Variants in MTHFD2 observed in about 807,000 individuals in gnomAD.
The protein encoded by MTHFD2 is methylenetetrahydrofolate dehydrogenase (NADP+ dependent) 2, methenyltetrahydrofolate cyclohydrolase, also known as bifunctional methylenetetrahydrofolate dehydrogenase/cyclohydrolase, mitochondrial.
Under a neutral mutation model 36.8 loss-of-function variants are expected in MTHFD2, and 26 were observed. The observed-to-expected ratio is 0.71, with a 90% CI of 0.52 to 0.98. The LOEUF is 0.98. MTHFD2 is among the 50% of genes least tolerant of loss of function. The probability of loss-of-function intolerance (pLI) is 0.00; values close to 1 mark genes in which losing one functional copy is unlikely to be tolerated. For synonymous variants in MTHFD2, 164 were observed against 155.2 expected, an observed-to-expected ratio of 1.06 and a Z score of -0.42; for missense variants, 373 against 434.0, an observed-to-expected ratio of 0.86 and a Z score of 1.25.
rs1328447587 is a variant in MTHFD2, at chr2:74,212,263, C to T, written c.889+397C>T. 2.9e-3 allele frequency among the ~76,000 whole-genome samples: 102 copies of T among 35,706 alleles called. 1 individual carries two copies. The highest frequency in any genetic ancestry group is 0.014 in the East Asian group (14 of 1,014). The allele number at this position is 35,706 out of a possible 152,430, so 23.4% of individuals were successfully genotyped here. Reference sequence around the variant, plus strand: ...CCCCTTTCTTCCTTCGTTTCTTTCTCTTTTTTTTTTTTTTTTTTTTTTGAG... The same window carrying T: ...CCCCTTTCTTCCTTCGTTTCTTTCTTTTTTTTTTTTTTTTTTTTTTTTGAG... On this transcript the variant is annotated intron_variant, in intron 7 of 7. Transcript: ENST00000394053.
chr2:74,212,932 TCTCA>T (rs1305568427), intron 7 of MTHFD2, among the ~76,000 whole-genome samples: 1 of 151,324 alleles, frequency 6.6e-6, no homozygotes, highest in East Asian at 1.9e-4. Context: ...AGAGGCAGAG[TCTCA>T]CTCTGTTGCC....
rs867744775 is a variant in MTHFD2, at chr2:74,199,213, T to A, written c.101+471T>A. On this transcript the variant is annotated intron_variant, in intron 1 of 7. Transcript: ENST00000394053. Reference sequence around the variant, plus strand: ...TAGCGGCGGAGGGCGCTGCTGCAGCTGATGAAATCGCGGAGCCGACTTGCT... The same window carrying A: ...TAGCGGCGGAGGGCGCTGCTGCAGCAGATGAAATCGCGGAGCCGACTTGCT... Among the ~76,000 whole-genome samples the A allele has an allele frequency of 2.0e-5, 3 of 152,130 alleles. No individual in the cohort carries two copies. The South Asian group carries it at 6.2e-4, about 31-fold the overall frequency.
chr2:74,209,421 T>C (rs1231967659), intron 4 of MTHFD2, among the ~76,000 whole-genome samples: 2 of 151,736 alleles, frequency 1.3e-5, no homozygotes. Context: ...TTTTTTTTTT[T>C]CTCGTATTTT....
intron 2 of MTHFD2, among the ~76,000 whole-genome samples, chr2:74,206,859 C>G (rs574521008): frequency 6.6e-6 from 1 of 152,048 alleles, no homozygotes; most frequent in African/African-American, 2.4e-5. Context: ...TAGGCATGGG[C>G]CACCATGCCT....
At chr2:74,203,458 G>C (rs1694087753) in intron 1 of MTHFD2, among the ~76,000 whole-genome samples, 1 of 152,146 alleles carries the variant, frequency 6.6e-6, no homozygotes, top group Non-Finnish European at 1.5e-5. Context: ...AAGGCCTAAA[G>C]ATTGTGAAAG....
intron 1 of MTHFD2, among the ~76,000 whole-genome samples, chr2:74,202,065 C>T (rs1667627): frequency 0.62 from 93,793 of 151,692 alleles, 30,148 homozygotes; most frequent in African/African-American, 0.8. Flanking sequence ...TCCTTAACTT[C>T]AGTATATGAT....
chr2:74,207,863 C>G, intron 3 of MTHFD2, 37 bp downstream of exon 3: 2 of 1,555,752 alleles, frequency 1.3e-6, no homozygotes. Context: ...ATTGCTGCTG[C>G]TTCTGCTCCT....
At position 74,203,295 on chromosome 2, in the gene MTHFD2, C is replaced by T. The variant is rs568412184; in HGVS notation, c.102-2410C>T. 4.6e-5 allele frequency among the ~76,000 whole-genome samples: 7 copies of T among 152,228 alleles called. No individual in the cohort carries two copies. In the East Asian group the frequency reaches 9.6e-4, roughly 21 times the overall value. Reference sequence around the variant, plus strand: ...TGCTAGGATTACAGGCATGAGCCACCGTGCCTGGCCAGATTATAATAATTT... The same window carrying T: ...TGCTAGGATTACAGGCATGAGCCACTGTGCCTGGCCAGATTATAATAATTT... On this transcript the variant is annotated intron_variant, in intron 1 of 7. Transcript: ENST00000394053.
chr2:74,207,107 C>T (rs1694202486), intron 2 of MTHFD2, among the ~76,000 whole-genome samples: 1 of 151,984 alleles, frequency 6.6e-6, no homozygotes, highest in Non-Finnish European at 1.5e-5. Flanking sequence ...GAAAGACTGG[C>T]TGTATTATTA....
chr2:74,203,016 T>C (rs1187066260), intron 1 of MTHFD2, among the ~76,000 whole-genome samples: 2 of 152,164 alleles, frequency 1.3e-5, no homozygotes, highest in Non-Finnish European at 2.9e-5. Context: ...TTTTTCTTTT[T>C]TTGAGATGGA....
rs1451043892 is a variant in MTHFD2 at position 74,216,524 on chromosome 2, G to A, written c.*2282G>A. The A allele has an allele frequency of 6.6e-6, 1 of 152,202 alleles. No individual in the cohort carries two copies. The highest frequency in any genetic ancestry group is 2.4e-5 in the African/African-American group (1 of 41,458). The allele number at this position is 152,202 out of a possible 1,614,324, so 9.4% of individuals were successfully genotyped here. A position where few individuals can be genotyped will look rare whatever the true frequency, so the allele number is the denominator to read the frequency against. The stretch of plus-strand genomic sequence containing the variant: ...TTGGACAAAGTTCTATTCCAGATCA[G>A]CCAGGTTTTAAAACTGAAATGTGTT... On this transcript the variant is annotated 3_prime_UTR_variant, in exon 8 of 8. Coordinates refer to ENST00000394053, the MANE Select transcript of MTHFD2 (RefSeq NM_006636.4).
intron 1 of MTHFD2, among the ~76,000 whole-genome samples, chr2:74,205,378 C>A (rs1694153149): frequency 6.6e-6 from 1 of 152,168 alleles, no homozygotes; most frequent in African/African-American, 2.4e-5. Flanking sequence ...CAGTTAAGAG[C>A]CCAGACTGAT....
Position 74,214,415 on chromosome 2 carries a change from C to T in MTHFD2, c.*173C>T. The T allele has an allele frequency of 3.4e-6, 2 of 594,338 alleles. No individual in the cohort carries two copies. Among genetic ancestry groups the T allele is most frequent in the East Asian group, 3.4e-5 (1 of 29,116 alleles). The allele number at this position is 594,338 out of a possible 1,614,324, so 36.8% of individuals were successfully genotyped here. A position where few individuals can be genotyped will look rare whatever the true frequency, so the allele number is the denominator to read the frequency against. ...TTCTGCACATACCTCTGCAGTACCTCACCAGGGAGCATTCCAGTATCATGC... is the reference window on the plus strand; with the variant it reads ...TTCTGCACATACCTCTGCAGTACCTTACCAGGGAGCATTCCAGTATCATGC... On this transcript the variant is annotated 3_prime_UTR_variant, in exon 8 of 8. Coordinates refer to ENST00000394053, the MANE Select transcript of MTHFD2 (RefSeq NM_006636.4).
rs1239012768 is a variant in MTHFD2, at chr2:74,214,438, T to C, written c.*196T>C. On this transcript the variant is annotated 3_prime_UTR_variant, in exon 8 of 8. Transcript: ENST00000394053. ...CTCACCAGGGAGCATTCCAGTATCA[T>C]GCAGGGTCCTGTGATCTAGCCAGGA... 6.2e-6 allele frequency: 3 copies of C among 486,700 alleles called. No homozygotes were observed. Among genetic ancestry groups the C allele is most frequent in the Non-Finnish European group, 1.1e-5 (3 of 278,836 alleles). The allele number at this position is 486,700 out of a possible 1,614,324, so 30.1% of individuals were successfully genotyped here.
At chr2:74,202,619 C>T (rs570615473) in intron 1 of MTHFD2, among the ~76,000 whole-genome samples, 7 of 152,064 alleles carry the variant, frequency 4.6e-5, no homozygotes, top group East Asian at 1.9e-4. Context: ...CTCTGCCTCC[C>T]GGGTTCAATC....
At position 74,217,527 on chromosome 2, in the gene MTHFD2, C is replaced by T. The variant is rs1392195466; in HGVS notation, c.*3285C>T. On this transcript the variant is annotated 3_prime_UTR_variant, in exon 8 of 8. Coordinates refer to ENST00000394053, the MANE Select transcript of MTHFD2 (RefSeq NM_006636.4). ...ATTGTTCACATGAATGGGAGTTTGA[C>T]TTTGGGAATAAACATTGAAAATTTG... 3 of 152,040 alleles carry T rather than the reference C, an allele frequency of 2.0e-5. No homozygotes were observed. Among genetic ancestry groups the T allele is most frequent in the Admixed American group, 1.3e-4 (2 of 15,260 alleles). The allele number at this position is 152,040 out of a possible 1,614,324, so 9.4% of individuals were successfully genotyped here.
At chr2:74,206,095 A>T (rs1254258268) in intron 2 of MTHFD2, 7 of 460,212 alleles carry the variant, frequency 1.5e-5, no homozygotes, top group Non-Finnish European at 2.7e-5. Context: ...ACTGGTTGGT[A>T]TTCTCTGTGG....
chr2:74,207,883 C>CCTCCCTCTCT (rs1694218394), intron 3 of MTHFD2, 57 bp downstream of exon 3: 2 of 1,510,532 alleles, frequency 1.3e-6, no homozygotes, highest in Non-Finnish European at 1.8e-6. Context: ...TTTCCCTCTC[C>CCTCCCTCTCT]CTCCCTCTCT....
chr2:74,199,231 G>C (rs915040772), intron 1 of MTHFD2, among the ~76,000 whole-genome samples: 1 of 152,182 alleles, frequency 6.6e-6, no homozygotes, highest in Non-Finnish European at 1.5e-5. Context: ...TCGCGGAGCC[G>C]ACTTGCTCGG....
Sources: allele counts gnomAD v4.1 joint callset (sites outside exome capture counted in the v4.1 genomes callset), GRCh38; gene constraint gnomAD v4.1.1; transcripts MANE v1.5; gene names NCBI Gene and HGNC (gene_info 2026-07-23, HGNC 2026-07-21).